GPHN: variants seen among roughly 807,000 people sequenced by gnomAD.
GPHN encodes gephyrin.
Under a neutral mutation model 95.5 loss-of-function variants are expected in GPHN, and 17 were observed. The ratio of observed to expected loss-of-function variants is 0.18; its 90% confidence interval spans 0.12 to 0.27. The LOEUF is 0.27. GPHN is among the 10% of genes least tolerant of loss of function. GPHN has a pLI of 1.00. For synonymous variants in GPHN, 320 were observed against 322.5 expected, an observed-to-expected ratio of 0.99 and a Z score of 0.08; for missense variants, 660 against 978.1, an observed-to-expected ratio of 0.67 and a Z score of 4.34.
chr14:66,917,205 C>T lies in GPHN; in HGVS notation c.456+1136C>T, dbSNP rs78770215. Among the ~76,000 whole-genome samples, 470 of 152,192 alleles carry T rather than the reference C, an allele frequency of 3.1e-3. 10 individuals carry two copies. Among genetic ancestry groups the T allele is most frequent in the African/African-American group, 0.011 (445 of 41,508 alleles). ...CTGAGGAGGCTTTAACTGAATTTCC[C>T]AATACACTTAGCCATAACCTAAAAA... On this transcript the variant is annotated intron_variant, in intron 6 of 22. Transcript: ENST00000478722.
intron 2 of GPHN, among the ~76,000 whole-genome samples, chr14:66,710,855 G>C (rs1320205649): frequency 2.0e-5 from 3 of 152,074 alleles, no homozygotes; most frequent in African/African-American, 7.2e-5. Flanking sequence ...GCTTAAATTA[G>C]GTAATACATG....
the GPHN span, among the ~76,000 whole-genome samples, chr14:67,511,996 G>A: frequency 6.6e-6 from 1 of 152,230 alleles, no homozygotes; most frequent in Non-Finnish European, 1.5e-5. Context: ...ACAGCTCAAA[G>A]TCTGAGGCAA....
At chr14:67,264,105 A>G in the GPHN span, among the ~76,000 whole-genome samples, 1 of 152,218 alleles carries the variant, frequency 6.6e-6, no homozygotes, top group Non-Finnish European at 1.5e-5. Context: ...TGGTGTAAGG[A>G]TTAGATGATG....
the GPHN span, among the ~76,000 whole-genome samples, chr14:67,459,729 C>T: frequency 5.3e-5 from 8 of 152,178 alleles, no homozygotes; most frequent in Non-Finnish European, 1.0e-4. Context: ...CTCACATAGG[C>T]GCTCAATAAA....
intron 12 of GPHN, among the ~76,000 whole-genome samples, chr14:67,091,291 A>C (rs1241334397): frequency 6.6e-6 from 1 of 152,004 alleles, no homozygotes; most frequent in Non-Finnish European, 1.5e-5. Context: ...TTTTCTTTCA[A>C]ATTGATTCCT....
At chr14:67,541,926 C>T in the GPHN span, 1 of 1,606,456 alleles carries the variant, frequency 6.2e-7, no homozygotes, top group South Asian at 1.1e-5. Flanking sequence ...CGCTGCCTGA[C>T]CCTGGAAACT....
intron 5 of GPHN, among the ~76,000 whole-genome samples, chr14:66,893,728 C>T (rs1159083500): frequency 6.6e-6 from 1 of 152,068 alleles, no homozygotes; most frequent in African/African-American, 2.4e-5. Context: ...AACAGACAAA[C>T]AGAGAGCCAA....
the GPHN span, among the ~76,000 whole-genome samples, chr14:67,441,304 G>C: frequency 6.6e-6 from 1 of 152,290 alleles, no homozygotes; most frequent in Admixed American, 6.5e-5. Flanking sequence ...CATTTGGTCA[G>C]GAATGAAGAT....
At chr14:67,727,272 C>T in the GPHN span, 1 of 999,180 alleles carries the variant, frequency 1.0e-6, no homozygotes, top group South Asian at 1.4e-5. Context: ...GTCAGGCTGT[C>T]AAACATGCAC....
intron 12 of GPHN, among the ~76,000 whole-genome samples, chr14:67,094,237 A>T (rs2153672107): frequency 6.6e-6 from 1 of 152,302 alleles, no homozygotes; most frequent in Non-Finnish European, 1.5e-5. Flanking sequence ...TATCAATTTC[A>T]TATCAAATAA....
At chr14:67,555,855 G>A in the GPHN span, 163 of 1,613,442 alleles carry the variant, frequency 1.0e-4, no homozygotes, top group Non-Finnish European at 1.2e-4. Context: ...GCTGCTGGAG[G>A]CAGAGCAGAG....
At chr14:67,173,440 C>T (rs986976743) in intron 21 of GPHN, among the ~76,000 whole-genome samples, 1 of 152,172 alleles carries the variant, frequency 6.6e-6, no homozygotes, top group African/African-American at 2.4e-5. Flanking sequence ...CTGAGGCACC[C>T]ACAGTTACTG....
At chr14:67,073,837 A>G (rs936441589) in intron 11 of GPHN, among the ~76,000 whole-genome samples, 5 of 152,218 alleles carry the variant, frequency 3.3e-5, no homozygotes, top group African/African-American at 1.2e-4. Context: ...TGAGAAAGCT[A>G]TGTATTTTAT....
intron 9 of GPHN, among the ~76,000 whole-genome samples, chr14:66,973,501 G>C (rs907417439): frequency 2.0e-5 from 3 of 152,212 alleles, no homozygotes; most frequent in Non-Finnish European, 4.4e-5. Flanking sequence ...GCTCACACCT[G>C]TAATTCCAGC....
the GPHN span, among the ~76,000 whole-genome samples, chr14:67,594,633 C>G: frequency 6.6e-6 from 1 of 150,376 alleles, no homozygotes; most frequent in African/African-American, 2.4e-5. Flanking sequence ...AGCCTGATGA[C>G]AGAGTGAGAC....
rs963747327 is a variant in GPHN, at chr14:66,584,456, G to A, written c.64+75865G>A. ...AGGAGTGGTGAGAGAGGGCATCCCT[G>A]TCTTGTGCCAGTTTTCAAAGGGAAT... On this transcript the variant is annotated intron_variant, in intron 1 of 22. Coordinates refer to ENST00000478722, the MANE Select transcript of GPHN (RefSeq NM_020806.5). Among the ~76,000 whole-genome samples, 30 of 152,254 alleles carry A rather than the reference G, an allele frequency of 2.0e-4. No individual in the cohort carries two copies. In the East Asian group the frequency reaches 3.3e-3, roughly 17 times the overall value.
chr14:67,518,743 G>T, the GPHN span, among the ~76,000 whole-genome samples: 7 of 152,222 alleles, frequency 4.6e-5, no homozygotes, highest in African/African-American at 1.7e-4. Flanking sequence ...GAATCAGAAA[G>T]ATTTCTTTAT....
intron 2 of GPHN, among the ~76,000 whole-genome samples, chr14:66,773,560 G>A (rs934211224): frequency 6.6e-6 from 1 of 151,960 alleles, no homozygotes; most frequent in African/African-American, 2.4e-5. Flanking sequence ...CACCATGTTG[G>A]TCAGGCTGGT....
the GPHN span, chr14:67,349,231 C>T: frequency 1.1e-6 from 1 of 925,782 alleles, no homozygotes; most frequent in Non-Finnish European, 1.6e-6. Flanking sequence ...GTTTTGATAA[C>T]TGTCCTTTTT....
Sources: allele counts gnomAD v4.1 joint callset (sites outside exome capture counted in the v4.1 genomes callset), GRCh38; gene constraint gnomAD v4.1.1; transcripts MANE v1.5; gene names NCBI Gene and HGNC (gene_info 2026-07-23, HGNC 2026-07-21).